The following RBM6 variants were observed in gnomAD, a reference collection of about 807,000 sequenced individuals.
The protein encoded by RBM6 is RNA-binding protein 6.
Under a neutral mutation model 140.4 loss-of-function variants are expected in RBM6, and 23 were observed. The observed-to-expected ratio is 0.16, with a 90% CI of 0.12 to 0.23. The LOEUF (loss-of-function observed/expected upper bound fraction) is 0.23, where lower values mean the gene tolerates loss of function less well. RBM6 is among the 10% of genes least tolerant of loss of function. The pLI, the probability that RBM6 is intolerant of heterozygous loss-of-function variation, is 1.00. For synonymous variants in RBM6, 439 were observed against 475.6 expected (o/e 0.92, Z 1.00); for missense variants, 1,139 against 1,386.7 (o/e 0.82, Z 2.84).
In RBM6 at chr3:49,972,112, A is replaced by G. The variant is rs2084821611; in HGVS notation, c.1377A>G (p.Arg459=). 6.2e-7 allele frequency: 1 copy of G among 1,613,596 alleles called. No individual in the cohort carries two copies. Among genetic ancestry groups the G allele is most frequent in the Non-Finnish European group, 8.5e-7 (1 of 1,179,512 alleles). Reference sequence around the variant, plus strand: ...AGGAGAAACCCAGCAGGCTTATTCGATTAAGTGGGGTACCTGAAGATGCCA... The same window carrying G: ...AGGAGAAACCCAGCAGGCTTATTCGGTTAAGTGGGGTACCTGAAGATGCCA... ...PSEEKPSRLI[R]LSGVPEDATK... The change falls in exon 4 of 21, where the codon CGA becomes CGG. Residue 459 remains arginine, a synonymous_variant. Transcript: ENST00000266022.
intron 6 of RBM6, among the ~76,000 whole-genome samples, chr3:50,012,874 T>C (rs1235281175): frequency 6.7e-6 from 1 of 150,238 alleles, no homozygotes; most frequent in African/African-American, 2.4e-5. Context: ...TCCCAAGTAA[T>C]TGGGATTACA....
At chr3:50,043,976 C>T (rs1036057087) in intron 6 of RBM6, among the ~76,000 whole-genome samples, 27 of 151,678 alleles carry the variant, frequency 1.8e-4, no homozygotes, top group Admixed American at 1.8e-3. Flanking sequence ...CTCCACCTCC[C>T]GGGTTCTAGC....
intron 7 of RBM6, among the ~76,000 whole-genome samples, chr3:50,053,206 T>TG (rs2089549140): frequency 1.3e-5 from 2 of 152,060 alleles, no homozygotes; most frequent in African/African-American, 4.8e-5. Context: ...TGATGACATA[T>TG]ACAGTAGGCC....
intron 6 of RBM6, among the ~76,000 whole-genome samples, chr3:50,041,311 T>A (rs1326356340): frequency 6.6e-6 from 1 of 152,166 alleles, no homozygotes; most frequent in Non-Finnish European, 1.5e-5. Flanking sequence ...GTAAAAAGTC[T>A]AGTCAAAATG....
intron 19 of RBM6, among the ~76,000 whole-genome samples, chr3:50,071,577 T>C (rs1372385299): frequency 6.6e-6 from 1 of 152,082 alleles, no homozygotes; most frequent in Non-Finnish European, 1.5e-5. Context: ...GAGGATCTCT[T>C]GAGCCTAGGA....
intron 6 of RBM6, among the ~76,000 whole-genome samples, chr3:50,018,483 A>G (rs2087288835): frequency 1.3e-5 from 2 of 151,958 alleles, no homozygotes; most frequent in Admixed American, 6.6e-5. Flanking sequence ...ATAAAGCTGC[A>G]ATAAATATCC....
At chr3:50,051,444 TCA>T (rs1288021887) in intron 7 of RBM6, among the ~76,000 whole-genome samples, 2 of 152,164 alleles carry the variant, frequency 1.3e-5, no homozygotes, top group Admixed American at 6.5e-5. Context: ...GAGTTGGAGA[TCA>T]GCCTGACCAA....
chr3:49,992,387 A>T (rs1485495473), intron 5 of RBM6, among the ~76,000 whole-genome samples: 1 of 152,176 alleles, frequency 6.6e-6, no homozygotes, highest in African/African-American at 2.4e-5. Flanking sequence ...GAGGCAGCAG[A>T]TATGTTGTTA....
intron 1 of RBM6, among the ~76,000 whole-genome samples, chr3:49,952,339 T>C (rs1390284559): frequency 6.6e-6 from 1 of 151,970 alleles, no homozygotes; most frequent in East Asian, 1.9e-4. Flanking sequence ...CCAGTTTTTG[T>C]ATTTTTAATA....
At chr3:49,997,670 A>AG (rs2086149908) in intron 5 of RBM6, among the ~76,000 whole-genome samples, 1 of 152,172 alleles carries the variant, frequency 6.6e-6, no homozygotes, top group Admixed American at 6.5e-5. Flanking sequence ...GTAGACATGC[A>AG]TTTGAGTGTT....
chr3:50,066,981 G>A (rs1483326996), intron 17 of RBM6, among the ~76,000 whole-genome samples: 1 of 151,996 alleles, frequency 6.6e-6, no homozygotes, highest in East Asian at 1.9e-4. Flanking sequence ...TTGAGATCAG[G>A]AGTTTGAGAC....
At chr3:49,961,163 C>T (rs141815183) in intron 1 of RBM6, among the ~76,000 whole-genome samples, 3,824 of 152,058 alleles carry the variant, frequency 0.025, 79 homozygotes, top group Non-Finnish European at 0.031. Context: ...CTGTAGCCTC[C>T]GCCTCCCGGT....
intron 3 of RBM6, among the ~76,000 whole-genome samples, chr3:49,969,876 C>A (rs959759587): frequency 6.6e-6 from 1 of 152,010 alleles, no homozygotes; most frequent in African/African-American, 2.4e-5. Flanking sequence ...TCAAGGGGTT[C>A]CCCCGCCTCA....
intron 2 of RBM6, among the ~76,000 whole-genome samples, chr3:49,966,245 G>A (rs978693889): frequency 2.6e-5 from 4 of 152,208 alleles, no homozygotes; most frequent in African/African-American, 9.7e-5. Flanking sequence ...AGCTCAGAAG[G>A]GCCTTATGAT....
intron 6 of RBM6, among the ~76,000 whole-genome samples, chr3:50,030,750 T>C (rs1428146991): frequency 6.6e-6 from 1 of 152,214 alleles, no homozygotes; most frequent in Non-Finnish European, 1.5e-5. Context: ...AGCCCCATCT[T>C]AACATGTGAT....
At chr3:50,013,423 C>A (rs1455660791) in intron 6 of RBM6, among the ~76,000 whole-genome samples, 1 of 152,164 alleles carries the variant, frequency 6.6e-6, no homozygotes, top group East Asian at 1.9e-4. Flanking sequence ...GTAATCCCAG[C>A]ACTTTCAGAG....
intron 6 of RBM6, among the ~76,000 whole-genome samples, chr3:50,034,513 G>T (rs922582066): frequency 3.9e-5 from 6 of 152,102 alleles, no homozygotes; most frequent in African/African-American, 9.7e-5. Context: ...TGTAATCCCA[G>T]CACTTTGGGA....
chr3:50,014,074 CAA>C (rs2086992993), intron 6 of RBM6, among the ~76,000 whole-genome samples: 1 of 152,164 alleles, frequency 6.6e-6, no homozygotes, highest in African/African-American at 2.4e-5. Flanking sequence ...TGTAAGGAGA[CAA>C]GAGTTGTGGT....
intron 1 of RBM6, among the ~76,000 whole-genome samples, chr3:49,959,450 C>T (rs750998364): frequency 4.0e-5 from 6 of 150,986 alleles, no homozygotes; most frequent in Admixed American, 6.6e-5. Context: ...CCGCCCGCCT[C>T]GGCCTCCCAA....
Sources: allele counts gnomAD v4.1 joint callset (sites outside exome capture counted in the v4.1 genomes callset), GRCh38; gene constraint gnomAD v4.1.1; transcripts MANE v1.5; gene names NCBI Gene and HGNC (gene_info 2026-07-23, HGNC 2026-07-21).